PASK: variants seen among roughly 807,000 people sequenced by gnomAD.
PASK encodes PAS domain containing serine/threonine kinase.
Under a neutral mutation model 121.0 loss-of-function variants are expected in PASK, and 110 were observed. The observed-to-expected ratio is 0.91, with a 90% CI of 0.78 to 1.06. The LOEUF is 1.06. Ranked by LOEUF, PASK falls within the 50% of genes least tolerant of loss-of-function variation. PASK has a pLI of 0.00. For missense variants in PASK, 1,643 were observed against 1,702.3 expected (o/e 0.97, Z 0.61); for synonymous variants, 686 against 717.8 (o/e 0.96, Z 0.71).
intron 12 of PASK, among the ~76,000 whole-genome samples, chr2:241,116,586 C>T (rs1369591041): frequency 6.6e-6 from 1 of 152,198 alleles, no homozygotes; most frequent in Non-Finnish European, 1.5e-5. Context: ...GACATGTTTT[C>T]AACATTGACT....
intron 9 of PASK, among the ~76,000 whole-genome samples, chr2:241,129,689 G>A (rs962400215): frequency 6.6e-6 from 1 of 152,248 alleles, no homozygotes; most frequent in Admixed American, 6.5e-5. Context: ...GAAACATGAG[G>A]ACATCCTCCA....
rs201093304 is a variant in PASK at position 241,108,331 on chromosome 2, C to T, written c.3534-31G>A. 5.4e-4 allele frequency: 863 copies of T among 1,612,704 alleles called. 5 individuals are homozygous for T. The Middle Eastern group carries it at 0.011, about 20-fold the overall frequency. On this transcript the variant is annotated intron_variant, in intron 15 of 17. Coordinates refer to ENST00000234040, the MANE Select transcript of PASK (RefSeq NM_015148.4). This position sits in a 1 kb window ranked among gnomAD's most constrained non-coding sequence, Gnocchi z 5.2. ...AGGAGGAGGAGGCATCAGGACGCCA[C>T]GGCACTCAGCGCAGGCTTGCCAAGC...
rs2066490736 is a variant in PASK, at chr2:241,137,468, T to C, written c.877-204A>G. 1.3e-5 allele frequency among the ~76,000 whole-genome samples: 2 copies of C among 151,728 alleles called. 1 individual carries two copies. Among genetic ancestry groups the C allele is most frequent in the African/African-American group, 4.8e-5 (2 of 41,354 alleles). On this transcript the variant is annotated intron_variant, in intron 6 of 17. Transcript: ENST00000234040. ...CCTTCTGTGGGTGGGGAGGACTCAGTGTCCAGAGCCGCCCCAGGCACAGCA... is the reference window on the plus strand; with the variant it reads ...CCTTCTGTGGGTGGGGAGGACTCAGCGTCCAGAGCCGCCCCAGGCACAGCA...
chr2:241,149,596 C>A, upstream of PASK: 1 of 1,497,186 alleles, frequency 6.7e-7, no homozygotes, highest in Non-Finnish European at 9.0e-7. Context: ...CTAAGGGTTG[C>A]TAGGGACGCA....
chr2:241,140,018 C>G lies in PASK; in HGVS notation c.467G>C (p.Gly156Ala), dbSNP rs776544055. Residue 156 changes from glycine (G) to alanine (A), a missense_variant, in exon 4 of 18, where the codon GGG (glycine) becomes GCG (alanine). By Grantham distance (60) the Gly-to-Ala change is moderately conservative (BLOSUM62 0). This residue lies in a region of PASK where 1,176 missense variants were observed against 1,162.2 expected (regional missense o/e 1.01). Coordinates refer to ENST00000234040, the MANE Select transcript of PASK (RefSeq NM_015148.4). ...GCCAATCAGGTCCTGGCTGCTGTACCCCAGGAGCCCGCAAGCTTTGTCGTT... is the reference window on the plus strand; with the variant it reads ...GCCAATCAGGTCCTGGCTGCTGTACGCCAGGAGCCCGCAAGCTTTGTCGTT... ...VANDKACGLL[G>A]YSSQDLIGQK... is the part of the protein sequence containing the mutation. The G allele has an allele frequency of 1.2e-6, 2 of 1,613,696 alleles. No homozygotes were observed. The highest frequency in any genetic ancestry group is 8.5e-7 in the Non-Finnish European group (1 of 1,179,686).
chr2:241,133,151 A>ACCACCCCAGGCGTCCCAGGT, intron 8 of PASK, 121 bp from the exon 9 acceptor site: 1 of 1,001,206 alleles, frequency 1.0e-6, no homozygotes, highest in South Asian at 1.3e-5. Flanking sequence ...ACCACCTCTC[A>ACCACCCCAGGCGTCCCAGGT]CCACCCCAGG....
chr2:241,133,067 C>A, intron 8 of PASK, 37 bp from the exon 9 acceptor site: 1 of 1,603,096 alleles, frequency 6.2e-7, no homozygotes, highest in Non-Finnish European at 8.5e-7. Flanking sequence ...TTGCTCTTCA[C>A]AGGCACTCCC....
chr2:241,114,920 C>G (rs756037296), intron 14 of PASK, 123 bp downstream of exon 14: 2 of 1,575,358 alleles, frequency 1.3e-6, no homozygotes, highest in Admixed American at 3.7e-5. Flanking sequence ...CCATGAAATC[C>G]CCACACAGAA....
At position 241,138,040 on chromosome 2, in the gene PASK, G is replaced by A. The variant is rs555625605; in HGVS notation, c.789C>T (p.Tyr263=). Residue 263 remains tyrosine (Y), a synonymous_variant, in exon 6 of 18, where the codon TAC becomes TAT. Coordinates refer to ENST00000234040, the MANE Select transcript of PASK (RefSeq NM_015148.4). ...CDSLFAHLHG[Y]VSGEDVAGQH... ...GCCCAGCCACGTCCTCCCCAGACAC[G>A]TACCCGTGAAGATGAGCAAAGAGAC... is the stretch of plus-strand genomic sequence containing the variant. 8.7e-6 allele frequency: 14 copies of A among 1,614,124 alleles called. No individual in the cohort carries two copies. The highest frequency in any genetic ancestry group is 1.3e-5 in the African/African-American group (1 of 75,068).
chr2:241,150,175 C>G, upstream of PASK: 1 of 1,277,928 alleles, frequency 7.8e-7, no homozygotes, highest in Non-Finnish European at 9.9e-7. Context: ...GGGCGTCTCT[C>G]CACTCTGCCT....
chr2:241,130,132 G>C lies in PASK; in HGVS notation c.1464-2681C>G, dbSNP rs376238383. Among the ~76,000 whole-genome samples the C allele has an allele frequency of 3.2e-4, 49 of 152,282 alleles. 1 individual carries two copies. The highest frequency in any genetic ancestry group is 9.9e-4 in the African/African-American group (41 of 41,558). On this transcript the variant is annotated intron_variant, in intron 9 of 17. Transcript: ENST00000234040. ...AACCCTGTTCTGTCTTACTGTTTCAGCTTATTGTCCTGACCAGACTACAAT... is the reference window on the plus strand; with the variant it reads ...AACCCTGTTCTGTCTTACTGTTTCACCTTATTGTCCTGACCAGACTACAAT...
intron 10 of PASK, 37 bp downstream of exon 10, chr2:241,126,159 G>A: frequency 6.2e-7 from 1 of 1,600,198 alleles, no homozygotes; most frequent in South Asian, 1.1e-5. Flanking sequence ...TGTGCTCTGG[G>A]AGCACCACAC....
intron 9 of PASK, among the ~76,000 whole-genome samples, chr2:241,130,915 T>C (rs1378363143): frequency 6.6e-6 from 1 of 152,134 alleles, no homozygotes; most frequent in Non-Finnish European, 1.5e-5. Context: ...CCAGCCGTGC[T>C]CAGGGAACAG....
chr2:241,145,014 C>T (rs1315081954), intron 1 of PASK, among the ~76,000 whole-genome samples: 2 of 152,140 alleles, frequency 1.3e-5, no homozygotes, highest in Non-Finnish European at 2.9e-5. Flanking sequence ...CCCGGGTTCA[C>T]GCCATTCTCC....
In PASK at chr2:241,106,635, G is replaced by A. The variant is rs557193827; in HGVS notation, c.3903C>T (p.Pro1301=). 18 of 1,614,154 alleles carry A rather than the reference G, an allele frequency of 1.1e-5. No homozygotes were observed. Among genetic ancestry groups the A allele is most frequent in the East Asian group, 4.5e-5 (2 of 44,886 alleles). ...GGCCATTAGGAGCCTCGCCTGGAAC[G>A]GGGCCCCCACAAAGCTCCTGAGCCT... ...VAQAQELCGG[P]VPGEAPNGQG... Residue 1301 remains proline (P), a synonymous_variant, in exon 18 of 18, where the codon CCC becomes CCT. Coordinates refer to ENST00000234040, the MANE Select transcript of PASK (RefSeq NM_015148.4).
chr2:241,133,182 G>T, intron 8 of PASK, 152 bp from the exon 9 acceptor site: 1 of 745,868 alleles, frequency 1.3e-6, no homozygotes, highest in Non-Finnish European at 2.4e-6. Flanking sequence ...CCAACCCAGC[G>T]CCCTCTTCTC....
intron 7 of PASK, 110 bp downstream of exon 7, chr2:241,136,894 G>A (rs2066459372): frequency 1.1e-5 from 11 of 1,018,588 alleles, no homozygotes; most frequent in East Asian, 2.5e-5. Flanking sequence ...GTAAAGGAGC[G>A]AGCTGGAGAG....
At chr2:241,131,652 G>A (rs78052203) in intron 9 of PASK, among the ~76,000 whole-genome samples, 6,669 of 152,260 alleles carry the variant, frequency 0.044, 354 homozygotes, top group African/African-American at 0.13. Flanking sequence ...GCAGCAGGGT[G>A]TAGGGGGCAC....
At chr2:241,144,546 C>T (rs2066863665) in intron 1 of PASK, among the ~76,000 whole-genome samples, 1 of 152,202 alleles carries the variant, frequency 6.6e-6, no homozygotes, top group African/African-American at 2.4e-5. Flanking sequence ...CCAGAGTTCC[C>T]AGCCAAAGGG....
Sources: allele counts gnomAD v4.1 joint callset (sites outside exome capture counted in the v4.1 genomes callset), GRCh38; gene constraint gnomAD v4.1.1; regional missense constraint gnomAD v4.1.1; non-coding constraint Gnocchi (gnomAD v3.1); transcripts MANE v1.5; gene names NCBI Gene and HGNC (gene_info 2026-07-23, HGNC 2026-07-21).